The following MYO7B variants were observed in gnomAD, a reference collection of about 807,000 sequenced individuals.
The protein encoded by MYO7B is myosin VIIB, also known as unconventional myosin-VIIb.
MYO7B carries 212 observed loss-of-function variants against 259.7 expected under a neutral mutation model. The ratio of observed to expected loss-of-function variants is 0.82; its 90% CI spans 0.73 to 0.91. MYO7B has a LOEUF of 0.91. Ranked by LOEUF, MYO7B falls within the 40% of genes least tolerant of loss-of-function variation. The probability of loss-of-function intolerance (pLI) is 0.00; values close to 1 mark genes in which losing one functional copy is unlikely to be tolerated. For synonymous variants in MYO7B, 1,197 were observed against 1,166.4 expected, an observed-to-expected ratio of 1.03 and a Z score of -0.54; for missense variants, 2,732 against 2,813.5, an observed-to-expected ratio of 0.97 and a Z score of 0.66.
At position 127,615,222 on chromosome 2, in the gene MYO7B, G is replaced by A. The variant is rs1323021002; in HGVS notation, c.3398+2619G>A. Among the ~76,000 whole-genome samples, 1 of 152,198 alleles carries A rather than the reference G, an allele frequency of 6.6e-6. No homozygotes were observed. Among genetic ancestry groups the A allele is most frequent in the African/African-American group, 2.4e-5 (1 of 41,452 alleles). On this transcript the variant is annotated intron_variant, in intron 26 of 47. Transcript: ENST00000409816. This position sits in a 1 kb window ranked among gnomAD's most constrained non-coding sequence, Gnocchi z 4.4. ...AGTGCCTACCTGGGCCAAGGAAGGAGGAGGGGTGTTTGCCAGACAGAGGGA... is the reference window on the plus strand; with the variant it reads ...AGTGCCTACCTGGGCCAAGGAAGGAAGAGGGGTGTTTGCCAGACAGAGGGA...
chr2:127,635,111 C>A lies in MYO7B; in HGVS notation c.5714-9C>A. The A allele has an allele frequency of 6.2e-7, 1 of 1,608,686 alleles. No individual in the cohort carries two copies. The highest frequency in any genetic ancestry group is 1.1e-5 in the South Asian group (1 of 90,388). On this transcript the variant is annotated splice_polypyrimidine_tract_variant and intron_variant, in intron 42 of 47. Coordinates refer to ENST00000409816, the MANE Select transcript of MYO7B (RefSeq NM_001393586.1). ...ACAGGCTTGGTGCCCACTGCTGGCC[C>A]TCGCCCAGGGGCCCCCGTGACGCTC...
At chr2:127,603,073 A>G (rs1372268200) in intron 19 of MYO7B, among the ~76,000 whole-genome samples, 1 of 151,720 alleles carries the variant, frequency 6.6e-6, no homozygotes, top group Non-Finnish European at 1.5e-5. Flanking sequence ...CCACATCTTC[A>G]GGCTCCACTT....
At chr2:127,601,698 G>C (rs1679969239) in intron 19 of MYO7B, among the ~76,000 whole-genome samples, 1 of 152,024 alleles carries the variant, frequency 6.6e-6, no homozygotes, top group Non-Finnish European at 1.5e-5. Context: ...TATATGTTAA[G>C]TGAGTTTCTC....
chr2:127,555,497 T>C (rs1573615197), intron 1 of MYO7B, among the ~76,000 whole-genome samples: 1 of 152,332 alleles, frequency 6.6e-6, no homozygotes, highest in South Asian at 2.1e-4. Flanking sequence ...AGATTGCCTA[T>C]TTGTGCTCTT....
chr2:127,627,038 C>T lies in MYO7B; in HGVS notation c.4279C>T (p.Arg1427Cys), dbSNP rs369437345. Residue 1427 changes from arginine to cysteine, a missense_variant, in exon 32 of 48, where the codon CGC becomes TGC. Physicochemically the swap from Arg to Cys is radical, Grantham distance 180 (BLOSUM62 -3). Coordinates refer to ENST00000409816, the MANE Select transcript of MYO7B (RefSeq NM_001393586.1). The surrounding 1 kb of genome is among the most constrained non-coding windows in gnomAD (Gnocchi z 5.6). ...GCGAGAGCAGGTGGTGGACGCCGCC[C>T]GCCTGCAGTGGCCGCTGCTCTTCTC... ...AVREQVVDAA[R>C]LQWPLLFSRL... The T allele has an allele frequency of 3.2e-5, 52 of 1,612,240 alleles. No homozygotes were observed. Among genetic ancestry groups the T allele is most frequent in the East Asian group, 2.7e-4 (12 of 44,830 alleles).
intron 12 of MYO7B, among the ~76,000 whole-genome samples, chr2:127,583,483 G>A (rs755623447): frequency 1.3e-5 from 2 of 152,332 alleles, no homozygotes; most frequent in East Asian, 1.9e-4. Context: ...GATTATTGGC[G>A]TCTGGCCCTG....
chr2:127,628,224 G>A lies in MYO7B; in HGVS notation c.4461-148G>A. On this transcript the variant is annotated intron_variant, in intron 33 of 47. Transcript: ENST00000409816. This position sits in a 1 kb window ranked among gnomAD's most constrained non-coding sequence, Gnocchi z 4.8. ...TCCTTCATTTGTCCAGACCCACAGT[G>A]GTGTCTGGCCTAGTCCTGGCCCTGG... The A allele has an allele frequency of 4.3e-6, 4 of 929,898 alleles. No individual in the cohort carries two copies. The East Asian group carries it at 7.9e-5, about 18-fold the overall frequency. The allele number at this position is 929,898 out of a possible 1,614,324, so 57.6% of individuals were successfully genotyped here. A position where few individuals can be genotyped will look rare whatever the true frequency, so the allele number is the denominator to read the frequency against.
chr2:127,594,734 G>T (rs1421980468), intron 18 of MYO7B, among the ~76,000 whole-genome samples: 1 of 152,178 alleles, frequency 6.6e-6, no homozygotes, highest in South Asian at 2.1e-4. Flanking sequence ...AGATAATCAT[G>T]TGGTTTTTGT....
At chr2:127,608,266 C>T (rs759209698) in intron 21 of MYO7B, among the ~76,000 whole-genome samples, 1 of 152,198 alleles carries the variant, frequency 6.6e-6, no homozygotes, top group Non-Finnish European at 1.5e-5. Flanking sequence ...CTTCTGCACC[C>T]GCATGCCCCC....
Position 127,587,622 on chromosome 2 carries a change from G to A in MYO7B, c.1691-770G>A, listed in dbSNP as rs181914311. Among the ~76,000 whole-genome samples the A allele has an allele frequency of 3.8e-4, 55 of 143,846 alleles. No homozygotes were observed. The Middle Eastern group carries it at 0.02, about 53-fold the overall frequency. 94.4% of individuals were successfully genotyped at this position (143,846 alleles called of 152,430 possible). A position where few individuals can be genotyped will look rare whatever the true frequency, so the allele number is the denominator to read the frequency against. ...CTCACTGTGTCACCCAAGCTGGAGT[G>A]CAATAGTGTGATCTCAGCTCACTGC... On this transcript the variant is annotated intron_variant, in intron 14 of 47. Coordinates refer to ENST00000409816, the MANE Select transcript of MYO7B (RefSeq NM_001393586.1).
At chr2:127,617,435 C>A (rs1011122071) in intron 26 of MYO7B, among the ~76,000 whole-genome samples, 1 of 151,046 alleles carries the variant, frequency 6.6e-6, no homozygotes, top group African/African-American at 2.4e-5. Context: ...AGGACACTGA[C>A]CAGTACCTTT....
chr2:127,611,989 G>A lies in MYO7B; in HGVS notation c.3193-261G>A, dbSNP rs561450778. Among the ~76,000 whole-genome samples, 2 of 152,296 alleles carry A rather than the reference G, an allele frequency of 1.3e-5. No homozygotes were observed. The highest frequency in any genetic ancestry group is 4.1e-4 in the South Asian group (2 of 4,826). On this transcript the variant is annotated intron_variant, in intron 24 of 47. Coordinates refer to ENST00000409816, the MANE Select transcript of MYO7B (RefSeq NM_001393586.1). The surrounding 1 kb of genome is among the most constrained non-coding windows in gnomAD (Gnocchi z 5.4). ...GCCCTGAGCCCCTCCCTGGGGGCTG[G>A]TGACCCACTGAGCAGCTTTTGTCTA...
At chr2:127,578,318 G>C in intron 9 of MYO7B, 32 bp downstream of exon 9, 1 of 1,612,424 alleles carries the variant, frequency 6.2e-7, no homozygotes, top group East Asian at 2.2e-5. Flanking sequence ...CTGCACCCTT[G>C]GGGAGGGAGA....
rs377312632 is a variant in MYO7B, at chr2:127,607,602, A to G, written c.2643+178A>G. ...TCAATTACTCAAGAGCACAGCAAGG[A>G]TACAGGACACAAGATGCAAATTAGC... On this transcript the variant is annotated intron_variant, in intron 21 of 47. Transcript: ENST00000409816. The surrounding 1 kb of genome is among the most constrained non-coding windows in gnomAD (Gnocchi z 4.4). 6.6e-5 allele frequency among the ~76,000 whole-genome samples: 10 copies of G among 152,084 alleles called. No individual in the cohort carries two copies. In the East Asian group the frequency reaches 1.7e-3, roughly 26 times the overall value.
rs1308205388 is a variant in MYO7B, at chr2:127,636,046, C to T, written c.6006+139C>T. The T allele has an allele frequency of 8.9e-7, 1 of 1,127,714 alleles. No individual in the cohort carries two copies. Among genetic ancestry groups the T allele is most frequent in the Non-Finnish European group, 1.3e-6 (1 of 794,622 alleles). The allele number at this position is 1,127,714 out of a possible 1,614,324, so 69.9% of individuals were successfully genotyped here. On this transcript the variant is annotated intron_variant, in intron 44 of 47. Coordinates refer to ENST00000409816, the MANE Select transcript of MYO7B (RefSeq NM_001393586.1). This position sits in a 1 kb window ranked among gnomAD's most constrained non-coding sequence, Gnocchi z 4.5. ...GGAGGGTGGGCTGGCTCTGCACACA[C>T]CACGCCTTCCTATGCCATCCACAGC...
rs762713648 is a variant in MYO7B at position 127,569,858 on chromosome 2, C to T, written c.540C>T (p.Gly180=). 1 of 1,613,492 alleles carries T rather than the reference C, an allele frequency of 6.2e-7. No individual in the cohort carries two copies. The highest frequency in any genetic ancestry group is 1.1e-5 in the South Asian group (1 of 90,986). ...TGCAGTTCCTGGCCACCATCAGTGGCCAGCATTCGTGGATTGAGCAGCAGG... is the reference window on the plus strand; with the variant it reads ...TGCAGTTCCTGGCCACCATCAGTGGTCAGCATTCGTGGATTGAGCAGCAGG... ...LILQFLATIS[G]QHSWIEQQVL... is the part of the protein sequence containing the mutation. The change falls in exon 6 of 48, where the codon GGC becomes GGT. Residue 180 remains glycine (G), a synonymous_variant. Coordinates refer to ENST00000409816, the MANE Select transcript of MYO7B (RefSeq NM_001393586.1).
chr2:127,590,301 A>G lies in MYO7B; in HGVS notation c.1992+72A>G. On this transcript the variant is annotated intron_variant, in intron 16 of 47. Coordinates refer to ENST00000409816, the MANE Select transcript of MYO7B (RefSeq NM_001393586.1). This position sits in a 1 kb window ranked among gnomAD's most constrained non-coding sequence, Gnocchi z 4.6. ...GCTGATGGCCTCTAGGGTTGTGGTC[A>G]CTCCCTCTGCCAGGGCCTGGCTAGC... 1.3e-6 allele frequency: 2 copies of G among 1,597,040 alleles called. No individual in the cohort carries two copies. Among genetic ancestry groups the G allele is most frequent in the Non-Finnish European group, 1.7e-6 (2 of 1,169,358 alleles).
intron 19 of MYO7B, among the ~76,000 whole-genome samples, chr2:127,598,777 G>T (rs1356789317): frequency 6.6e-6 from 1 of 151,622 alleles, no homozygotes; most frequent in African/African-American, 2.4e-5. Context: ...TTAGGTCAAG[G>T]TTCTTTTAAA....
In MYO7B at chr2:127,584,275, G is replaced by A; in HGVS notation, c.1497G>A (p.Leu499=). 1 of 1,614,008 alleles carries A rather than the reference G, an allele frequency of 6.2e-7. No individual in the cohort carries two copies. The highest frequency in any genetic ancestry group is 8.5e-7 in the Non-Finnish European group (1 of 1,179,886). ...YTDNRPTLDL[L]ALKPMSIISL... ...ACAATCGGCCCACCCTGGACCTGCT[G>A]GCCCTCAAGCCCATGAGCATCATCT... Residue 499 remains leucine (L), a synonymous_variant, in exon 13 of 48, where the codon CTG becomes CTA. Coordinates refer to ENST00000409816, the MANE Select transcript of MYO7B (RefSeq NM_001393586.1). This position sits in a 1 kb window ranked among gnomAD's most constrained non-coding sequence, Gnocchi z 5.8.
Sources: gnomAD v4.1 joint callset for allele counts (sites outside exome capture counted in the v4.1 genomes callset) on GRCh38, gnomAD v4.1.1 for gene constraint, Gnocchi (gnomAD v3.1) non-coding constraint, MANE v1.5 for transcripts, NCBI Gene and HGNC (gene_info 2026-07-23, HGNC 2026-07-21) for gene names.